Variants in CPNE4 observed in about 807,000 individuals in gnomAD.
CPNE4 encodes copine 4, also known as copine-4.
A neutral mutation model predicts 67.9 loss-of-function variants in CPNE4; 25 were observed. The ratio of observed to expected loss-of-function variants is 0.37; its 90% CI spans 0.27 to 0.51. The LOEUF (loss-of-function observed/expected upper bound fraction) is 0.51. Among genes scored for constraint, CPNE4 ranks in the 20% least tolerant of loss-of-function variants. CPNE4 has a pLI of 0.93. For missense variants in CPNE4, 464 were observed against 690.8 expected (o/e 0.67, Z 3.68); for synonymous variants, 242 against 244.9 (o/e 0.99, Z 0.11).
At chr3:131,937,944 T>C (rs546474344) in intron 1 of CPNE4, among the ~76,000 whole-genome samples, 1 of 152,266 alleles carries the variant, frequency 6.6e-6, no homozygotes, top group Non-Finnish European at 1.5e-5. Context: ...TAATTGATCC[T>C]TGTAAGATAA....
At chr3:131,984,262 C>T (rs1475223677) in intron 1 of CPNE4, among the ~76,000 whole-genome samples, 1 of 152,142 alleles carries the variant, frequency 6.6e-6, no homozygotes, top group Non-Finnish European at 1.5e-5. Context: ...AACTGCACTG[C>T]CTCTAGATAA....
chr3:132,004,983 C>T (rs1375012307), intron 1 of CPNE4, among the ~76,000 whole-genome samples: 5 of 152,024 alleles, frequency 3.3e-5, no homozygotes, highest in African/African-American at 1.2e-4. Context: ...AAGATAATTC[C>T]TCTTTTCCAC....
intron 1 of CPNE4, among the ~76,000 whole-genome samples, chr3:131,976,042 G>A (rs1225073): frequency 0.98 from 147,846 of 150,748 alleles, 72,588 homozygotes; most frequent in East Asian, 1. Flanking sequence ...AAAAACTATA[G>A]GACTTTTTTT....
chr3:131,924,755 A>G (rs1470535964), intron 1 of CPNE4, among the ~76,000 whole-genome samples: 1 of 152,180 alleles, frequency 6.6e-6, no homozygotes, highest in Non-Finnish European at 1.5e-5. Context: ...CTTTTTGGCT[A>G]TAAAGGAAAT....
chr3:131,843,813 G>A (rs183466226), intron 2 of CPNE4, among the ~76,000 whole-genome samples: 7 of 152,270 alleles, frequency 4.6e-5, no homozygotes, highest in African/African-American at 1.4e-4. Context: ...CCCCTTTATC[G>A]GTGGGTCAAA....
chr3:131,768,274 T>G (rs2107828070), intron 2 of CPNE4, among the ~76,000 whole-genome samples: 1 of 152,230 alleles, frequency 6.6e-6, no homozygotes, highest in African/African-American at 2.4e-5. Flanking sequence ...TTTCAATTTC[T>G]TTTGTTGCAT....
At chr3:131,685,781 AACAC>A in intron 6 of CPNE4, 90 bp downstream of exon 6, 22 of 733,518 alleles carry the variant, frequency 3.0e-5, no homozygotes, top group Admixed American at 1.0e-4. Context: ...ACTCCACCTC[AACAC>A]ACACACACAC....
intron 3 of CPNE4, among the ~76,000 whole-genome samples, chr3:131,702,175 GACC>G (rs1358666146): frequency 6.6e-6 from 1 of 152,126 alleles, no homozygotes; most frequent in Non-Finnish European, 1.5e-5. Flanking sequence ...TGGTAATGAT[GACC>G]ATGATCATGA....
chr3:131,908,663 AT>A (rs776679667), intron 1 of CPNE4, among the ~76,000 whole-genome samples: 1 of 152,062 alleles, frequency 6.6e-6, no homozygotes, highest in African/African-American at 2.4e-5. Context: ...TACATATTGT[AT>A]TTTTACATAC....
At chr3:131,677,168 A>G (rs145545075) in intron 6 of CPNE4, among the ~76,000 whole-genome samples, 248 of 151,836 alleles carry the variant, frequency 1.6e-3, no homozygotes, top group African/African-American at 5.5e-3. Context: ...TGTTGGCCAC[A>G]TGTATGTCTT....
rs549591516 is a variant in CPNE4 at position 131,544,966 on chromosome 3, A to G, written c.1303-2173T>C. Among the ~76,000 whole-genome samples, 9 of 152,340 alleles carry G rather than the reference A, an allele frequency of 5.9e-5. No individual in the cohort carries two copies. In the East Asian group the frequency reaches 1.3e-3, roughly 23 times the overall value. On this transcript the variant is annotated intron_variant, in intron 14 of 15. Transcript: ENST00000429747. ...AGAAATAAAACAACCTGATAGTCAT[A>G]CTACCACATTGAGAAACTTTAGAGT...
intron 7 of CPNE4, among the ~76,000 whole-genome samples, chr3:131,638,412 T>TA (rs139191390): frequency 0.023 from 3,432 of 151,914 alleles, 79 homozygotes; most frequent in East Asian, 0.061. Flanking sequence ...CAGCAGCAGT[T>TA]AAAAAAGACA....
At chr3:131,958,844 G>C (rs1433845784) in intron 1 of CPNE4, among the ~76,000 whole-genome samples, 1 of 151,498 alleles carries the variant, frequency 6.6e-6, no homozygotes, top group Non-Finnish European at 1.5e-5. Context: ...ATTTTTAGTA[G>C]AGATGGGGTT....
Position 131,836,019 on chromosome 3 carries a change from T to C in CPNE4, c.180+69245A>G, listed in dbSNP as rs144767114. Among the ~76,000 whole-genome samples the C allele has an allele frequency of 5.8e-3, 887 of 152,298 alleles. 6 individuals carry two copies. The highest frequency in any genetic ancestry group is 9.2e-3 in the Non-Finnish European group (628 of 68,034). On this transcript the variant is annotated intron_variant, in intron 2 of 15. Coordinates refer to ENST00000429747, the MANE Select transcript of CPNE4 (RefSeq NM_130808.3). ...CCTAGGCTTACCCTGAAGTGACCTA[T>C]GCAGGAAACTGACCACAATCAACAC...
At chr3:131,779,451 A>G (rs1438956446) in intron 2 of CPNE4, among the ~76,000 whole-genome samples, 1 of 152,170 alleles carries the variant, frequency 6.6e-6, no homozygotes, top group Non-Finnish European at 1.5e-5. Flanking sequence ...AGCTACAGTA[A>G]CTAAAATGGC....
At chr3:131,870,923 T>C (rs949398774) in intron 2 of CPNE4, among the ~76,000 whole-genome samples, 1 of 152,122 alleles carries the variant, frequency 6.6e-6, no homozygotes. Context: ...GTCTTCTAGG[T>C]GAACACAAGC....
chr3:131,646,118 G>T (rs1043974424), intron 7 of CPNE4, among the ~76,000 whole-genome samples: 2 of 152,016 alleles, frequency 1.3e-5, no homozygotes, highest in Non-Finnish European at 2.9e-5. Context: ...GAAAATAATA[G>T]AAAATCTGTC....
In CPNE4 at chr3:131,696,671, A is replaced by G. The variant is rs1041777425; in HGVS notation, c.433-55T>C. On this transcript the variant is annotated intron_variant, in intron 4 of 15. Transcript: ENST00000429747. ...TAGAGGGTGAACTCCTTAGCTCCAG[A>G]ACCCATGAGCAAATTTAGTTCCTGT... 17 of 1,507,582 alleles carry G rather than the reference A, an allele frequency of 1.1e-5. No individual in the cohort carries two copies. In the African/African-American group the frequency reaches 1.5e-4, roughly 13 times the overall value. 93.4% of individuals were successfully genotyped at this position (1,507,582 alleles called of 1,614,324 possible).
chr3:131,834,216 C>A (rs759441815), intron 2 of CPNE4, among the ~76,000 whole-genome samples: 1 of 152,030 alleles, frequency 6.6e-6, no homozygotes, highest in Non-Finnish European at 1.5e-5. Context: ...TTATAATAAC[C>A]TTTATCTTCC....
Sources: allele counts gnomAD v4.1 joint callset (sites outside exome capture counted in the v4.1 genomes callset), GRCh38; gene constraint gnomAD v4.1.1; transcripts MANE v1.5; gene names NCBI Gene and HGNC (gene_info 2026-07-23, HGNC 2026-07-21).